DGKQ: variants seen among roughly 807,000 people sequenced by gnomAD.
The protein encoded by DGKQ is diacylglycerol kinase theta, also known as DAG kinase theta.
DGKQ carries 97 observed loss-of-function variants against 104.2 expected under a neutral mutation model. The ratio of observed to expected loss-of-function variants is 0.93; its 90% CI spans 0.79 to 1.10. The LOEUF is 1.10. Among genes scored for constraint, DGKQ ranks in the 50% least tolerant of loss-of-function variants. The probability of loss-of-function intolerance (pLI) is 0.00; values close to 1 mark genes in which losing one functional copy is unlikely to be tolerated. For synonymous variants in DGKQ, 736 were observed against 595.2 expected (o/e 1.24, Z -3.44); for missense variants, 1,465 against 1,352.1 (o/e 1.08, Z -1.31).
intron 5 of DGKQ, 89 bp downstream of exon 5, chr4:968,188 TGCCCC>T (rs1418373407): frequency 3.5e-6 from 2 of 579,374 alleles, no homozygotes; most frequent in Non-Finnish European, 2.6e-6. Context: ...GCGCCTCTCC[TGCCCC>T]GCCCCGCCAA....
Position 963,422 on chromosome 4 carries a change from T to G in DGKQ, c.1735-132A>C. ...GACCAGCCCCCTCCCCAGGAAGGCG[T>G]GGCCAGCACCCTCACATCTGAGGCC... On this transcript the variant is annotated intron_variant, in intron 15 of 22. Coordinates refer to ENST00000273814, the MANE Select transcript of DGKQ (RefSeq NM_001347.4). 3 of 764,358 alleles carry G rather than the reference T, an allele frequency of 3.9e-6. No individual in the cohort carries two copies. In the South Asian group the frequency reaches 5.7e-5, roughly 14 times the overall value. 47.3% of individuals were successfully genotyped at this position (764,358 alleles called of 1,614,324 possible).
intron 8 of DGKQ, 67 bp downstream of exon 8, chr4:967,482 G>T: frequency 6.5e-7 from 1 of 1,535,266 alleles, no homozygotes; most frequent in Non-Finnish European, 8.9e-7. Flanking sequence ...AGCCAGGTCA[G>T]GTGCGCCAGG....
Position 968,915 on chromosome 4 carries a change from T to C in DGKQ, c.352-5A>G. The C allele has an allele frequency of 6.3e-7, 1 of 1,577,690 alleles. No individual in the cohort carries two copies. The highest frequency in any genetic ancestry group is 8.6e-7 in the Non-Finnish European group (1 of 1,157,890). On this transcript the variant is annotated splice_region_variant and splice_polypyrimidine_tract_variant and intron_variant, in intron 2 of 22. Coordinates refer to ENST00000273814, the MANE Select transcript of DGKQ (RefSeq NM_001347.4). ...GAAGCAGTGGGCTACAGGAACCTGG[T>C]GGGGCAGCCTCACCTCAGCACCCTT...
rs60461049 is a variant in DGKQ, at chr4:959,072, C to T, written c.*1548G>A. 1.1e-3 allele frequency: 164 copies of T among 153,140 alleles called. 2 individuals are homozygous for T. The East Asian group carries it at 0.02, about 19-fold the overall frequency. 9.5% of individuals were successfully genotyped at this position (153,140 alleles called of 1,614,324 possible). Reference sequence around the variant, plus strand: ...ACAGACCACAGTCCACACCAGGGCTCGCGAAGCAAAACTAATCACAAAGGA... The same window carrying T: ...ACAGACCACAGTCCACACCAGGGCTTGCGAAGCAAAACTAATCACAAAGGA... On this transcript the variant is annotated 3_prime_UTR_variant, in exon 23 of 23. Coordinates refer to ENST00000273814, the MANE Select transcript of DGKQ (RefSeq NM_001347.4).
rs1711847704 is a variant in DGKQ at position 961,073 on chromosome 4, C to T, written c.2703G>A (p.Met901Ile). 3 of 1,612,374 alleles carry T rather than the reference C, an allele frequency of 1.9e-6. No homozygotes were observed. The highest frequency in any genetic ancestry group is 2.5e-6 in the Non-Finnish European group (3 of 1,179,674). ...CCTTAGGGCCAGCAGCTGAGATGAT[C>T]ATGTGCCCCGGGGCCTGGACCCAGG... ...GEPWVQAPGHMIISAAGPKVH... is the reference protein window; with the variant it reads ...GEPWVQAPGHIIISAAGPKVH... The change falls in exon 22 of 23, where the codon ATG (methionine) becomes ATA (isoleucine). Residue 901 changes from methionine to isoleucine, a missense_variant. Physicochemically the swap from Met to Ile is conservative, Grantham distance 10 (BLOSUM62 1). Transcript: ENST00000273814.
At position 973,318 on chromosome 4, in the gene DGKQ, G is replaced by A. The variant is rs10003371; in HGVS notation, c.165C>T (p.Pro55=). 3,736 of 1,454,916 alleles carry A rather than the reference G, an allele frequency of 2.6e-3. 78 individuals carry two copies. The African/African-American group carries it at 0.05, about 19-fold the overall frequency. The allele number at this position is 1,454,916 out of a possible 1,614,324, so 90.1% of individuals were successfully genotyped here. A position where few individuals can be genotyped will look rare whatever the true frequency, so the allele number is the denominator to read the frequency against. Reference sequence around the variant, plus strand: ...GGAAGCTGTGTCCCGGCGCGGCAGCGGGGCCCGGGGCTCTGACGCCCGCCC... The same window carrying A: ...GGAAGCTGTGTCCCGGCGCGGCAGCAGGGCCCGGGGCTCTGACGCCCGCCC... ...PERAGVRAPG[P]AAAPGHSFRK... The change falls in exon 1 of 23, where the codon CCC becomes CCT. Residue 55 remains proline (P), a synonymous_variant. Transcript: ENST00000273814.
At position 962,472 on chromosome 4, in the gene DGKQ, C is replaced by T. The variant is rs1479404240; in HGVS notation, c.2177G>A (p.Ser726Asn). Reference sequence around the variant, plus strand: ...TGCGTCTGCCGTGTCGTTCTCTGCACTGCCAGCCTCGTGGGCATCCAGCAG... The same window carrying T: ...TGCGTCTGCCGTGTCGTTCTCTGCATTGCCAGCCTCGTGGGCATCCAGCAG... ...TILLDAHEAG[S>N]AENDTADAEP... Residue 726 changes from serine (S) to asparagine (N), a missense_variant, in exon 18 of 23, where the codon AGT becomes AAT. Physicochemically the swap from Ser to Asn is conservative, Grantham distance 46. Coordinates refer to ENST00000273814, the MANE Select transcript of DGKQ (RefSeq NM_001347.4). 2.5e-6 allele frequency: 4 copies of T among 1,604,290 alleles called. No individual in the cohort carries two copies. Among genetic ancestry groups the T allele is most frequent in the Non-Finnish European group, 2.5e-6 (3 of 1,178,500 alleles).
chr4:973,488 GC>G lies in DGKQ; in HGVS notation c.-7del. 1 of 987,060 alleles carries G rather than the reference GC, an allele frequency of 1.0e-6. No homozygotes were observed. The highest frequency in any genetic ancestry group is 1.2e-6 in the Non-Finnish European group (1 of 832,236). The allele number at this position is 987,060 out of a possible 1,614,324, so 61.1% of individuals were successfully genotyped here. On this transcript the variant is annotated 5_prime_UTR_variant, in exon 1 of 23. Transcript: ENST00000273814. ...GGCTCGGCCGCCGCCGCCATTCCCG[GC>G]CCGAGCGGCCCGAGCCCCTTTAGGT...
In DGKQ at chr4:968,320, C is replaced by A. The variant is rs1335544382; in HGVS notation, c.625G>T (p.Val209Leu). 2 of 1,532,428 alleles carry A rather than the reference C, an allele frequency of 1.3e-6. No homozygotes were observed. Among genetic ancestry groups the A allele is most frequent in the Non-Finnish European group, 1.7e-6 (2 of 1,143,948 alleles). The allele number at this position is 1,532,428 out of a possible 1,614,324, so 94.9% of individuals were successfully genotyped here. The change falls in exon 5 of 23, where the codon GTG (valine) becomes TTG (leucine). Residue 209 changes from valine (V) to leucine (L), a missense_variant. Val to Leu is a conservative substitution (Grantham distance 32). Transcript: ENST00000273814. ...CACTCGCAGCGCACGCCGGCCAGCACGTCAGAGGAGCCGCACGTCTTCCTG... is the reference window on the plus strand; with the variant it reads ...CACTCGCAGCGCACGCCGGCCAGCAAGTCAGAGGAGCCGCACGTCTTCCTG... ...VCRKTCGSSD[V>L]LAGVRCEWCG... is the part of the protein sequence containing the mutation.
intron 12 of DGKQ, 109 bp downstream of exon 12, chr4:966,357 G>A (rs1337598049): frequency 7.9e-6 from 10 of 1,265,592 alleles, no homozygotes; most frequent in Admixed American, 1.9e-5. Context: ...CAGGACAGCC[G>A]CTGCCTAGCC....
At position 963,273 on chromosome 4, in the gene DGKQ, T is replaced by G. The variant is rs1271120302; in HGVS notation, c.1752A>C (p.Pro584=). ...CGAACACAAGGAGGGGACAGCTGTC[T>G]GGGGGCAGCTTCGCGTGCTGACAGA... The part of the protein sequence containing the change: ...LPDLLHAKLP[P]DSCPLLVFVN... The change falls in exon 16 of 23, where the codon CCA becomes CCC. Residue 584 remains proline (P), a synonymous_variant. Transcript: ENST00000273814. 6.2e-7 allele frequency: 1 copy of G among 1,603,408 alleles called. No homozygotes were observed. Among genetic ancestry groups the G allele is most frequent in the Non-Finnish European group, 8.5e-7 (1 of 1,172,352 alleles).
At position 966,403 on chromosome 4, in the gene DGKQ, T is replaced by C. The variant is rs1560515240; in HGVS notation, c.1428+63A>G. On this transcript the variant is annotated intron_variant, in intron 12 of 22. Transcript: ENST00000273814. Reference sequence around the variant, plus strand: ...CGGCGTCTGGGGCACACCCACCCTGTGGGGCAGAGGCTGTGGCTGAGGGCT... The same window carrying C: ...CGGCGTCTGGGGCACACCCACCCTGCGGGGCAGAGGCTGTGGCTGAGGGCT... 4 of 1,565,238 alleles carry C rather than the reference T, an allele frequency of 2.6e-6. No homozygotes were observed. In the African/African-American group the frequency reaches 4.1e-5, roughly 16 times the overall value.
rs1279646755 is a variant in DGKQ at position 965,225 on chromosome 4, A to G, written c.1685T>C (p.Met562Thr). The stretch of plus-strand genomic sequence containing the variant: ...AGTGAGCAGCCGGCCCCGCACAGCC[A>G]TGTCCTTCAGCAGCATGTACAGCCG... The part of the protein sequence containing the change: ...AERLYMLLKD[M>T]AVRGRLLTAL... The change falls in exon 15 of 23, where the codon ATG becomes ACG. Residue 562 changes from methionine to threonine, a missense_variant. Transcript: ENST00000273814. The G allele has an allele frequency of 6.2e-7, 1 of 1,612,726 alleles. No individual in the cohort carries two copies. Among genetic ancestry groups the G allele is most frequent in the Non-Finnish European group, 8.5e-7 (1 of 1,179,936 alleles).
Position 967,186 on chromosome 4 carries a change from A to G in DGKQ, c.1163T>C (p.Val388Ala), listed in dbSNP as rs772774866. 3 of 1,598,890 alleles carry G rather than the reference A, an allele frequency of 1.9e-6. No individual in the cohort carries two copies. The South Asian group carries it at 3.4e-5, about 18-fold the overall frequency. ...CTGGGCCCGCGGCAGAGCCCGGATG[A>G]CCCAGGCCTCTGGCGTGGCCTCGCC... ...GSGEATPEAW[V>A]IRALPRAQEV... Residue 388 changes from valine (V) to alanine (A), a missense_variant, in exon 9 of 23, where the codon GTC (valine) becomes GCC (alanine). Transcript: ENST00000273814.
chr4:968,322 T>C lies in DGKQ; in HGVS notation c.623A>G (p.Asp208Gly), dbSNP rs1712626961. 1 of 1,210,626 alleles carries C rather than the reference T, an allele frequency of 8.3e-7. No homozygotes were observed. 75.0% of individuals were successfully genotyped at this position (1,210,626 alleles called of 1,614,324 possible). ...CTCGCAGCGCACGCCGGCCAGCACG[T>C]CAGAGGAGCCGCACGTCTTCCTGCA... ...EVCRKTCGSS[D>G]VLAGVRCEWC... The change falls in exon 5 of 23, where the codon GAC becomes GGC. Residue 208 changes from aspartate (D) to glycine (G), a missense_variant. Asp to Gly is a moderately conservative substitution (Grantham distance 94). Transcript: ENST00000273814.
In DGKQ at chr4:973,349, G is replaced by A; in HGVS notation, c.134C>T (p.Pro45Leu). The A allele has an allele frequency of 3.1e-6, 4 of 1,297,272 alleles. No individual in the cohort carries two copies. The highest frequency in any genetic ancestry group is 2.2e-5 in the South Asian group (1 of 46,124). 80.4% of individuals were successfully genotyped at this position (1,297,272 alleles called of 1,614,324 possible). A position where few individuals can be genotyped will look rare whatever the true frequency, so the allele number is the denominator to read the frequency against. Reference protein sequence around the residue: ...ARPGPGPGPGPERAGVRAPGP... With the variant: ...ARPGPGPGPGLERAGVRAPGP... ...CGGGGCTCTGACGCCCGCCCGCTCG[G>A]GTCCCGGCCCCGGCCCCGGCCCCGG... Residue 45 changes from proline (P) to leucine (L), a missense_variant, in exon 1 of 23, where the codon CCC (proline) becomes CTC (leucine). Physicochemically the swap from Pro to Leu is moderately conservative, Grantham distance 98. Coordinates refer to ENST00000273814, the MANE Select transcript of DGKQ (RefSeq NM_001347.4).
At chr4:973,102 G>C in intron 1 of DGKQ, 110 bp downstream of exon 1, 2 of 1,307,650 alleles carry the variant, frequency 1.5e-6, no homozygotes, top group Non-Finnish European at 2.0e-6. Flanking sequence ...GCAGGGCTGG[G>C]ACCCCGCCCT....
In DGKQ at chr4:967,157, C is replaced by T; in HGVS notation, c.1192G>A (p.Val398Ile). ...VIRALPRAQE[V>I]LKIYPGWLKV... ...AGCCAGCCAGGGTAGATCTTCAGGA[C>T]CTCCTGGGCCCGCGGCAGAGCCCGG... Residue 398 changes from valine (V) to isoleucine (I), a missense_variant, in exon 9 of 23, where the codon GTC (valine) becomes ATC (isoleucine). Val to Ile is a conservative substitution (Grantham distance 29, BLOSUM62 3). Coordinates refer to ENST00000273814, the MANE Select transcript of DGKQ (RefSeq NM_001347.4). 2 of 1,598,050 alleles carry T rather than the reference C, an allele frequency of 1.3e-6. No individual in the cohort carries two copies. The highest frequency in any genetic ancestry group is 1.7e-6 in the Non-Finnish European group (2 of 1,172,922).
chr4:964,476 A>G (rs926021654), intron 15 of DGKQ, among the ~76,000 whole-genome samples: 5 of 151,676 alleles, frequency 3.3e-5, no homozygotes, highest in African/African-American at 9.7e-5. Flanking sequence ...CAGCCCCTCC[A>G]TGGGCCAGAA....
Sources: gnomAD v4.1 joint callset for allele counts (sites outside exome capture counted in the v4.1 genomes callset) on GRCh38, gnomAD v4.1.1 for gene constraint, MANE v1.5 for transcripts, NCBI Gene and HGNC (gene_info 2026-07-23, HGNC 2026-07-21) for gene names.